Variants in SCAF4 observed in about 807,000 individuals in gnomAD.
The protein encoded by SCAF4 is SR-related and CTD-associated factor 4.
A neutral mutation model predicts 129.8 loss-of-function variants in SCAF4; 25 were observed. The ratio of observed to expected loss-of-function variants is 0.19; its 90% CI spans 0.14 to 0.27. SCAF4 has a LOEUF of 0.27. Ranked by LOEUF, SCAF4 falls within the 10% of genes least tolerant of loss-of-function variation. The pLI, the probability that SCAF4 is intolerant of heterozygous loss-of-function variation, is 1.00. For synonymous variants in SCAF4, 551 were observed against 497.7 expected (o/e 1.11, Z -1.43); for missense variants, 1,246 against 1,457.1 (o/e 0.86, Z 2.36).
chr21:31,705,871 A>C (rs1203249798), intron 2 of SCAF4, among the ~76,000 whole-genome samples: 1 of 152,192 alleles, frequency 6.6e-6, no homozygotes, highest in Non-Finnish European at 1.5e-5. Context: ...AAATGAAACT[A>C]AATAGTTGGT....
intron 12 of SCAF4, 134 bp from the exon 13 acceptor site, chr21:31,692,583 C>T (rs1192720693): frequency 3.6e-6 from 2 of 558,152 alleles, no homozygotes. Flanking sequence ...GTAAATCTCA[C>T]ATACATTTTA....
At chr21:31,725,702 T>C (rs1396886656) in intron 1 of SCAF4, among the ~76,000 whole-genome samples, 1 of 152,188 alleles carries the variant, frequency 6.6e-6, no homozygotes, top group African/African-American at 2.4e-5. Context: ...TCTTGCCTTT[T>C]TGTTCGTTTT....
chr21:31,693,336 G>C lies in SCAF4; in HGVS notation c.1471C>G (p.Arg491Gly). 2 of 1,523,398 alleles carry C rather than the reference G, an allele frequency of 1.3e-6. No individual in the cohort carries two copies. Among genetic ancestry groups the C allele is most frequent in the Non-Finnish European group, 1.8e-6 (2 of 1,120,108 alleles). The allele number at this position is 1,523,398 out of a possible 1,614,324, so 94.4% of individuals were successfully genotyped here. Residue 491 changes from arginine to glycine, a missense_variant, in exon 12 of 20, where the codon CGA becomes GGA. Arg to Gly is a moderately radical substitution (Grantham distance 125). This residue lies in a region of SCAF4 where 468 missense variants were observed against 605.5 expected (regional missense o/e 0.77). Transcript: ENST00000286835. ...TTCACTTGAGGGAGGCCTTTTTGTC[G>C]ACGTTCTCTCTCTTTTTCTCGATCC... ...RRDREKERERRQKGLPQVKPE... is the reference protein window; with the variant it reads ...RRDREKERERGQKGLPQVKPE...
At chr21:31,731,456 A>G (rs1466707348) in intron 1 of SCAF4, among the ~76,000 whole-genome samples, 2 of 146,136 alleles carry the variant, frequency 1.4e-5, no homozygotes, top group African/African-American at 5.0e-5. Context: ...GGGGGTGGGC[A>G]GTGGGGGGAG....
chr21:31,676,613 T>C (rs899117413), intron 19 of SCAF4, among the ~76,000 whole-genome samples: 7 of 152,180 alleles, frequency 4.6e-5, no homozygotes, highest in Non-Finnish European at 8.8e-5. Context: ...TCAATCCACA[T>C]TCTCATGTCC....
At chr21:31,672,911 C>A (rs975183758) in intron 19 of SCAF4, among the ~76,000 whole-genome samples, 5 of 152,226 alleles carry the variant, frequency 3.3e-5, no homozygotes, top group African/African-American at 1.2e-4. Flanking sequence ...ATGCAATGTG[C>A]ATCAAATAAA....
At position 31,672,043 on chromosome 21, in the gene SCAF4, G is replaced by T; in HGVS notation, c.2800C>A (p.Pro934Thr). Residue 934 changes from proline (P) to threonine (T), a missense_variant, in exon 20 of 20, where the codon CCT becomes ACT. Pro to Thr is a conservative substitution (Grantham distance 38, BLOSUM62 -1). Coordinates refer to ENST00000286835, the MANE Select transcript of SCAF4 (RefSeq NM_020706.2). ...LGGPGPGPGG[P>T]EDRDGRQQPP... is the part of the protein sequence containing the mutation. ...TGTTGCCTTCCGTCTCTGTCTTCAG[G>T]ACCCCCTGGGCCTGGCCCTGGGCCC... 1 of 1,613,484 alleles carries T rather than the reference G, an allele frequency of 6.2e-7. No individual in the cohort carries two copies. Among genetic ancestry groups the T allele is most frequent in the East Asian group, 2.2e-5 (1 of 44,868 alleles).
intron 19 of SCAF4, among the ~76,000 whole-genome samples, chr21:31,674,698 T>C (rs1174725204): frequency 6.6e-6 from 1 of 152,180 alleles, no homozygotes; most frequent in East Asian, 1.9e-4. Flanking sequence ...ATATTGTGAG[T>C]TACCCAGGTG....
chr21:31,718,007 G>C (rs924812527), intron 1 of SCAF4, among the ~76,000 whole-genome samples: 1 of 151,602 alleles, frequency 6.6e-6, no homozygotes, highest in African/African-American at 2.4e-5. Flanking sequence ...GCAATGGCGC[G>C]ATCTCGGCTC....
chr21:31,704,055 G>C, intron 3 of SCAF4, 129 bp from the exon 4 acceptor site: 3 of 508,084 alleles, frequency 5.9e-6, no homozygotes, highest in Non-Finnish European at 1.0e-5. Context: ...CTACTTGAAT[G>C]TTTCAGCTCT....
chr21:31,672,875 T>C (rs2049747156), intron 19 of SCAF4, among the ~76,000 whole-genome samples: 1 of 152,250 alleles, frequency 6.6e-6, no homozygotes, highest in South Asian at 2.1e-4. Context: ...TTAGTCCATA[T>C]TATTAAAATG....
At chr21:31,694,788 A>G in intron 10 of SCAF4, 25 bp downstream of exon 10, 1 of 1,611,054 alleles carries the variant, frequency 6.2e-7, no homozygotes, top group Non-Finnish European at 8.5e-7. Context: ...AAAAAAGATA[A>G]AACTATCTGA....
intron 16 of SCAF4, among the ~76,000 whole-genome samples, chr21:31,686,797 T>C (rs998493144): frequency 5.3e-5 from 8 of 152,112 alleles, no homozygotes; most frequent in African/African-American, 1.7e-4. Flanking sequence ...GGATCTAGCT[T>C]GTGCAGTTCT....
At chr21:31,691,672 T>TAAAA (rs5843527) in intron 14 of SCAF4, 145 bp downstream of exon 14, 5 of 281,028 alleles carry the variant, frequency 1.8e-5, no homozygotes, top group East Asian at 5.9e-5. Context: ...AAATATTCTT[T>TAAAA]AAAAAAAAAA....
Position 31,700,990 on chromosome 21 carries a change from T to A in SCAF4, c.777+5A>T. Reference sequence around the variant, plus strand: ...GGTGGGGTGGGTTATGTGAGAGAAATATACCTTGTCAAATGCAGTTTTCTG... The same window carrying A: ...GGTGGGGTGGGTTATGTGAGAGAAAAATACCTTGTCAAATGCAGTTTTCTG... On this transcript the variant is annotated splice_donor_5th_base_variant and intron_variant, in intron 7 of 19. Coordinates refer to ENST00000286835, the MANE Select transcript of SCAF4 (RefSeq NM_020706.2). 1 of 1,613,912 alleles carries A rather than the reference T, an allele frequency of 6.2e-7. No individual in the cohort carries two copies. The highest frequency in any genetic ancestry group is 8.5e-7 in the Non-Finnish European group (1 of 1,179,834).
intron 1 of SCAF4, among the ~76,000 whole-genome samples, chr21:31,718,472 T>C (rs78895163): frequency 0.02 from 3,006 of 152,272 alleles, 99 homozygotes; most frequent in African/African-American, 0.069. Flanking sequence ...AGCTTTTTCT[T>C]TTTGGTACAG....
chr21:31,686,203 CAAAAAAAAAAAAAG>C (rs1378155367), intron 16 of SCAF4, among the ~76,000 whole-genome samples: 11 of 75,902 alleles, frequency 1.4e-4, no homozygotes, highest in African/African-American at 3.8e-4. Context: ...ACTTGGTCTT[CAAAAAAAAAAAAAG>C]AAAAAAAAAA....
chr21:31,677,946 G>A (rs540289197), intron 19 of SCAF4, among the ~76,000 whole-genome samples: 3 of 152,292 alleles, frequency 2.0e-5, no homozygotes, highest in African/African-American at 7.2e-5. Context: ...AACTGCTTAA[G>A]AGTTTCTGGC....
chr21:31,702,132 A>G, intron 5 of SCAF4, 112 bp downstream of exon 5: 2 of 1,448,542 alleles, frequency 1.4e-6, no homozygotes, highest in Non-Finnish European at 1.9e-6. Context: ...TCCAAGATGT[A>G]AACTCAAGTT....
Sources: allele counts gnomAD v4.1 joint callset (sites outside exome capture counted in the v4.1 genomes callset), GRCh38; gene constraint gnomAD v4.1.1; regional missense constraint gnomAD v4.1.1; transcripts MANE v1.5; gene names NCBI Gene and HGNC (gene_info 2026-07-23, HGNC 2026-07-21).